The following ARMC7 variants were observed in gnomAD, a reference collection of about 807,000 sequenced individuals.
ARMC7 encodes the protein armadillo repeat containing 7.
In ARMC7, 9 loss-of-function variants were observed where a neutral mutation model predicts 14.8. The observed-to-expected ratio is 0.61, with a 90% CI of 0.37 to 1.06. ARMC7 has a LOEUF of 1.06. Among genes scored for constraint, ARMC7 ranks in the 50% least tolerant of loss-of-function variants. ARMC7 has a pLI of 0.01. For synonymous variants in ARMC7, 125 were observed against 123.4 expected, an observed-to-expected ratio of 1.01 and a Z score of -0.09; for missense variants, 262 against 267.1, an observed-to-expected ratio of 0.98 and a Z score of 0.13.
chr17:75,110,977 AGC>A, intron 2 of ARMC7, among the ~76,000 whole-genome samples: 1 of 148,772 alleles, frequency 6.7e-6, no homozygotes, highest in African/African-American at 2.5e-5. Context: ...AAAAAAAAAA[AGC>A]CGCACACAGT....
At chr17:75,123,597 C>T (rs551931386) in intron 2 of ARMC7, among the ~76,000 whole-genome samples, 1 of 152,188 alleles carries the variant, frequency 6.6e-6, no homozygotes, top group Admixed American at 6.5e-5. Context: ...TTGTGATCCA[C>T]CGCGCCCAGC....
At chr17:75,114,373 G>C in intron 2 of ARMC7, 1 of 397,782 alleles carries the variant, frequency 2.5e-6, no homozygotes, top group East Asian at 3.6e-5. Flanking sequence ...ACTTTCCCAG[G>C]ACAGGGGCAC....
chr17:75,125,638 G>A (rs949293633), intron 2 of ARMC7, among the ~76,000 whole-genome samples: 8 of 152,064 alleles, frequency 5.3e-5, no homozygotes, highest in African/African-American at 1.9e-4. Context: ...AAGAGTTTAA[G>A]ACCAGCCTGG....
At position 75,129,476 on chromosome 17, in the gene ARMC7, C is replaced by T. The variant is rs1184357150; in HGVS notation, c.*438C>T. 2 of 166,014 alleles carry T rather than the reference C, an allele frequency of 1.2e-5. No homozygotes were observed. The highest frequency in any genetic ancestry group is 4.8e-5 in the African/African-American group (2 of 41,760). 10.3% of individuals were successfully genotyped at this position (166,014 alleles called of 1,614,324 possible). Reference sequence around the variant, plus strand: ...GTTTTCAGGTATAGGAATGAGATGCCTCGTGGTGAAAGGATCTCACCCTGG... The same window carrying T: ...GTTTTCAGGTATAGGAATGAGATGCTTCGTGGTGAAAGGATCTCACCCTGG... On this transcript the variant is annotated 3_prime_UTR_variant, in exon 3 of 3. Transcript: ENST00000245543.
At position 75,130,098 on chromosome 17, in the gene ARMC7, T is replaced by C. The variant is rs1442171844; in HGVS notation, c.*1060T>C. The C allele has an allele frequency of 5.5e-6, 1 of 182,458 alleles. No individual in the cohort carries two copies. The highest frequency in any genetic ancestry group is 2.4e-5 in the African/African-American group (1 of 42,090). The allele number at this position is 182,458 out of a possible 1,614,324, so 11.3% of individuals were successfully genotyped here. ...CCAGGAATGGCAGGTGCTACAAAAATGGTACCCACGTGGGCATGGAAATGG... is the reference window on the plus strand; with the variant it reads ...CCAGGAATGGCAGGTGCTACAAAAACGGTACCCACGTGGGCATGGAAATGG... On this transcript the variant is annotated 3_prime_UTR_variant, in exon 3 of 3. Coordinates refer to ENST00000245543, the MANE Select transcript of ARMC7 (RefSeq NM_024585.4).
At chr17:75,114,740 CG>C (rs1264692457) in intron 2 of ARMC7, 19 of 398,386 alleles carry the variant, frequency 4.8e-5, no homozygotes, top group Middle Eastern at 6.2e-4. Flanking sequence ...AAGACCCCCC[CG>C]CCCCAAGCAC....
intron 2 of ARMC7, among the ~76,000 whole-genome samples, chr17:75,119,594 A>G (rs1246077082): frequency 4.0e-5 from 6 of 148,800 alleles, no homozygotes; most frequent in Non-Finnish European, 8.9e-5. Context: ...GACTACAGGC[A>G]CCCGCTACCA....
intron 2 of ARMC7, among the ~76,000 whole-genome samples, chr17:75,126,045 A>G (rs576809701): frequency 1.7e-4 from 26 of 152,250 alleles, no homozygotes; most frequent in Non-Finnish European, 3.4e-4. Context: ...TCTCTTTGTT[A>G]GTTTCCAGAA....
At position 75,110,488 on chromosome 17, in the gene ARMC7, C is replaced by T; in HGVS notation, c.117C>T (p.Asn39=). ...SQDAKEQVLA[N]LANFAYDPSN... ...ACGCCAAGGAGCAAGTCCTCGCCAACCTCGCCAACTTCGCTTATGACCCCA... is the reference window on the plus strand; with the variant it reads ...ACGCCAAGGAGCAAGTCCTCGCCAATCTCGCCAACTTCGCTTATGACCCCA... The change falls in exon 2 of 3, where the codon AAC becomes AAT. Residue 39 remains asparagine (N), a synonymous_variant. Coordinates refer to ENST00000245543, the MANE Select transcript of ARMC7 (RefSeq NM_024585.4). 6.2e-7 allele frequency: 1 copy of T among 1,614,250 alleles called. No individual in the cohort carries two copies. The highest frequency in any genetic ancestry group is 1.1e-5 in the South Asian group (1 of 91,092).
At chr17:75,117,324 G>A (rs111243176) in intron 2 of ARMC7, among the ~76,000 whole-genome samples, 12 of 152,236 alleles carry the variant, frequency 7.9e-5, no homozygotes, top group Admixed American at 2.6e-4. Flanking sequence ...TGATCCGCCC[G>A]CCTCGGCCTC....
At chr17:75,120,682 C>T (rs936753358) in intron 2 of ARMC7, among the ~76,000 whole-genome samples, 4 of 151,834 alleles carry the variant, frequency 2.6e-5, no homozygotes, top group South Asian at 4.2e-4. Context: ...GGCATGGTGG[C>T]GGGCACCTGT....
intron 2 of ARMC7, among the ~76,000 whole-genome samples, chr17:75,126,986 C>T (rs11652717): frequency 0.27 from 40,849 of 149,292 alleles, 6,349 homozygotes; most frequent in East Asian, 0.65. Context: ...CACTTGAACC[C>T]GGGAGGCGGA....
At chr17:75,116,644 C>T (rs116651370) in intron 2 of ARMC7, among the ~76,000 whole-genome samples, 83 of 152,262 alleles carry the variant, frequency 5.5e-4, no homozygotes, top group African/African-American at 2.0e-3. Flanking sequence ...TAAAGAGTAC[C>T]AGACCTGAGA....
chr17:75,110,354 G>A lies in ARMC7; in HGVS notation c.66G>A (p.Thr22=). Residue 22 remains threonine, a synonymous_variant, in exon 1 of 3, where the codon ACG becomes ACA. Transcript: ENST00000245543. The part of the protein sequence containing the change: ...GRLGYLQALV[T]EFQETQSQDA... ...TGGGATACCTGCAGGCGCTGGTCACGGAATTCCAGGAGACCCAAAGCCAAG... is the reference window on the plus strand; with the variant it reads ...TGGGATACCTGCAGGCGCTGGTCACAGAATTCCAGGAGACCCAAAGCCAAG... 1.2e-6 allele frequency: 2 copies of A among 1,614,074 alleles called. No homozygotes were observed. Among genetic ancestry groups the A allele is most frequent in the East Asian group, 2.2e-5 (1 of 44,882 alleles).
intron 2 of ARMC7, among the ~76,000 whole-genome samples, chr17:75,123,998 C>A (rs1273343255): frequency 1.3e-5 from 2 of 152,196 alleles, no homozygotes; most frequent in African/African-American, 2.4e-5. Flanking sequence ...TAGGAAGCTC[C>A]CAGTTTCCAC....
intron 2 of ARMC7, among the ~76,000 whole-genome samples, chr17:75,117,102 A>G (rs1316370202): frequency 6.6e-6 from 1 of 152,132 alleles, no homozygotes; most frequent in Non-Finnish European, 1.5e-5. Flanking sequence ...TTTGAGACAG[A>G]TTCTCACTCC....
At chr17:75,127,312 C>G (rs1016980689) in intron 2 of ARMC7, among the ~76,000 whole-genome samples, 3 of 152,212 alleles carry the variant, frequency 2.0e-5, no homozygotes, top group Admixed American at 6.5e-5. Context: ...AATGTTAGGT[C>G]AGCCGCCTAA....
chr17:75,119,906 C>T (rs539186913), intron 2 of ARMC7, among the ~76,000 whole-genome samples: 18 of 151,486 alleles, frequency 1.2e-4, no homozygotes, highest in African/African-American at 4.4e-4. Context: ...AGCATCACCT[C>T]GTTTTGTTTT....
intron 2 of ARMC7, chr17:75,114,306 A>G (rs2073956407): frequency 2.5e-6 from 1 of 400,416 alleles, no homozygotes; most frequent in Non-Finnish European, 4.4e-6. Context: ...AGTCCCCACC[A>G]AAAGTGTTTA....
Sources: allele counts gnomAD v4.1 joint callset (sites outside exome capture counted in the v4.1 genomes callset), GRCh38; gene constraint gnomAD v4.1.1; transcripts MANE v1.5; gene names NCBI Gene and HGNC (gene_info 2026-07-23, HGNC 2026-07-21).